The following OXR1 variants were observed in gnomAD, a reference collection of about 807,000 sequenced individuals.
OXR1 encodes the protein oxidation resistance protein 1.
In OXR1, 41 loss-of-function variants were observed where a neutral mutation model predicts 104.6. That is an observed-to-expected ratio of 0.39 (90% CI 0.31 to 0.51). OXR1 has a LOEUF of 0.51. Among genes scored for constraint, OXR1 ranks in the 20% least tolerant of loss-of-function variants. The pLI is 0.77. For missense variants in OXR1, 955 were observed against 1,031.9 expected (o/e 0.93, Z 1.02); for synonymous variants, 348 against 348.4 (o/e 1.00, Z 0.01).
chr8:106,319,549 T>C lies in OXR1; in HGVS notation c.-138-39927T>C, dbSNP rs539880828. Among the ~76,000 whole-genome samples the C allele has an allele frequency of 2.6e-5, 4 of 152,240 alleles. No individual in the cohort carries two copies. In the South Asian group the frequency reaches 6.2e-4, roughly 24 times the overall value. ...AAGAGAAAATCAAACTCTAAGGGAA[T>C]TTTAAAAGCCCTTTTTGTTGTGAAA... On this transcript the variant is annotated intron_variant, in intron 1 of 16. Transcript: ENST00000517566.
At chr8:106,307,997 G>GAC (rs144471966) in intron 1 of OXR1, among the ~76,000 whole-genome samples, 15 of 150,150 alleles carry the variant, frequency 1.0e-4, no homozygotes, top group East Asian at 5.8e-4. Context: ...GAACCAAAAG[G>GAC]ACACACACAC....
intron 3 of OXR1, among the ~76,000 whole-genome samples, chr8:106,673,340 AG>A (rs1413556989): frequency 6.6e-6 from 1 of 152,154 alleles, no homozygotes; most frequent in Non-Finnish European, 1.5e-5. Flanking sequence ...AACGTGAGAG[AG>A]ATGAAATAGG....
chr8:106,720,922 A>C (rs887707210), intron 11 of OXR1, among the ~76,000 whole-genome samples: 6 of 152,226 alleles, frequency 3.9e-5, no homozygotes, highest in Non-Finnish European at 5.9e-5. Context: ...ATTTGTTGTA[A>C]TATAAAGATG....
At chr8:106,510,612 T>C (rs1175187408) in intron 2 of OXR1, among the ~76,000 whole-genome samples, 5 of 152,206 alleles carry the variant, frequency 3.3e-5, no homozygotes, top group African/African-American at 1.2e-4. Flanking sequence ...TGAATCTATG[T>C]ATGCTTCTAT....
At chr8:106,325,140 A>G (rs1814415016) in intron 1 of OXR1, among the ~76,000 whole-genome samples, 2 of 152,190 alleles carry the variant, frequency 1.3e-5, no homozygotes, top group African/African-American at 4.8e-5. Context: ...CTTGGGAAGA[A>G]TTTTTTATTT....
intron 2 of OXR1, among the ~76,000 whole-genome samples, chr8:106,376,086 T>C (rs1400760481): frequency 6.6e-6 from 1 of 152,212 alleles, no homozygotes; most frequent in Non-Finnish European, 1.5e-5. Flanking sequence ...TGGGCTCAAG[T>C]GCCCTTCTCA....
intron 3 of OXR1, among the ~76,000 whole-genome samples, chr8:106,623,432 A>G (rs989188244): frequency 2.0e-5 from 3 of 152,194 alleles, no homozygotes; most frequent in Non-Finnish European, 2.9e-5. Flanking sequence ...GAAAACATGC[A>G]TTGAATGCCT....
chr8:106,398,138 G>A (rs899536877), intron 2 of OXR1, among the ~76,000 whole-genome samples: 3 of 151,984 alleles, frequency 2.0e-5, no homozygotes, highest in Non-Finnish European at 4.4e-5. Context: ...ATTTTAACTT[G>A]GTTCCCTCTG....
chr8:106,602,059 A>G (rs894425607), intron 3 of OXR1, among the ~76,000 whole-genome samples: 2 of 152,196 alleles, frequency 1.3e-5, no homozygotes, highest in African/African-American at 4.8e-5. Context: ...GAAATGTGTT[A>G]TGACGCCCAG....
At chr8:106,599,445 C>T (rs1819788654) in intron 3 of OXR1, among the ~76,000 whole-genome samples, 1 of 152,126 alleles carries the variant, frequency 6.6e-6, no homozygotes, top group Admixed American at 6.6e-5. Context: ...TGACCTGGAT[C>T]ATATTTATTC....
chr8:106,544,087 A>C (rs1480281482), intron 3 of OXR1, among the ~76,000 whole-genome samples: 1 of 152,158 alleles, frequency 6.6e-6, no homozygotes, highest in Non-Finnish European at 1.5e-5. Flanking sequence ...CTTATGCAGA[A>C]TTTTATTTTT....
intron 11 of OXR1, among the ~76,000 whole-genome samples, chr8:106,718,577 C>T (rs547488414): frequency 2.0e-5 from 3 of 152,166 alleles, no homozygotes; most frequent in South Asian, 2.1e-4. Context: ...TGGTGGCTCA[C>T]GCCTGTAATC....
At chr8:106,635,310 T>A (rs1356715885) in intron 3 of OXR1, among the ~76,000 whole-genome samples, 1 of 152,168 alleles carries the variant, frequency 6.6e-6, no homozygotes. Flanking sequence ...TATGAGAAAA[T>A]CTTGAAAATT....
intron 11 of OXR1, among the ~76,000 whole-genome samples, chr8:106,716,302 A>T (rs962899513): frequency 2.0e-5 from 3 of 152,202 alleles, no homozygotes; most frequent in Non-Finnish European, 2.9e-5. Context: ...AATGTGGCCA[A>T]TCTCAATTGA....
intron 2 of OXR1, among the ~76,000 whole-genome samples, chr8:106,461,886 C>T (rs552784573): frequency 6.6e-6 from 1 of 152,220 alleles, no homozygotes; most frequent in African/African-American, 2.4e-5. Flanking sequence ...CTATAAGAAA[C>T]ATTCAAATTA....
chr8:106,751,317 A>G lies in OXR1; in HGVS notation c.*376A>G, dbSNP rs1387137174. 6.4e-6 allele frequency: 1 copy of G among 155,972 alleles called. No individual in the cohort carries two copies. The highest frequency in any genetic ancestry group is 1.9e-4 in the East Asian group (1 of 5,300). 9.7% of individuals were successfully genotyped at this position (155,972 alleles called of 1,614,324 possible). On this transcript the variant is annotated 3_prime_UTR_variant, in exon 17 of 17. Coordinates refer to ENST00000517566, the MANE Select transcript of OXR1 (RefSeq NM_001198533.2). ...TAACTATATTGATTCGTTTACTAGA[A>G]CAGTCTAATTGGGGCATTGAGGAAA... is the stretch of plus-strand genomic sequence containing the variant.
intron 8 of OXR1, among the ~76,000 whole-genome samples, chr8:106,704,637 A>T (rs943977890): frequency 6.6e-6 from 1 of 151,604 alleles, no homozygotes; most frequent in Non-Finnish European, 1.5e-5. Flanking sequence ...ACCTCAAGTG[A>T]TACACTGGCG....
intron 3 of OXR1, among the ~76,000 whole-genome samples, chr8:106,586,886 TG>T (rs1818670974): frequency 6.6e-6 from 1 of 152,156 alleles, no homozygotes; most frequent in African/African-American, 2.4e-5. Flanking sequence ...TTCAGTGCAG[TG>T]GTGGGTCTCT....
intron 2 of OXR1, among the ~76,000 whole-genome samples, chr8:106,421,286 T>TA (rs1266110017): frequency 6.6e-6 from 1 of 152,178 alleles, no homozygotes; most frequent in Non-Finnish European, 1.5e-5. Context: ...AATTGGAAGT[T>TA]AAAATTGGAA....
Sources: gnomAD v4.1 joint callset for allele counts (sites outside exome capture counted in the v4.1 genomes callset) on GRCh38, gnomAD v4.1.1 for gene constraint, MANE v1.5 for transcripts, NCBI Gene and HGNC (gene_info 2026-07-23, HGNC 2026-07-21) for gene names.